C3: variants seen among roughly 807,000 people sequenced by gnomAD.
The protein encoded by C3 is complement C3.
A neutral mutation model predicts 207.9 loss-of-function variants in C3; 97 were observed. The observed-to-expected ratio is 0.47, with a 90% CI of 0.40 to 0.55. The LOEUF (loss-of-function observed/expected upper bound fraction) is 0.55, where lower values mean the gene tolerates loss of function less well. Among genes scored for constraint, C3 ranks in the 20% least tolerant of loss-of-function variants. The pLI, the probability that C3 is intolerant of heterozygous loss-of-function variation, is 0.00. For missense variants in C3, 1,684 were observed against 2,171.7 expected, an observed-to-expected ratio of 0.78 and a Z score of 4.46; for synonymous variants, 848 against 857.6, an observed-to-expected ratio of 0.99 and a Z score of 0.20.
chr19:6,715,160 G>C (rs1018914096), intron 4 of C3, among the ~76,000 whole-genome samples: 8 of 152,124 alleles, frequency 5.3e-5, no homozygotes, highest in Admixed American at 4.6e-4. Flanking sequence ...CTGGGTGAAA[G>C]AGCGAGACCC....
At chr19:6,713,947 G>C (rs763127936) in intron 7 of C3, 45 bp downstream of exon 7, 1 of 1,287,828 alleles carries the variant, frequency 7.8e-7, no homozygotes, top group South Asian at 1.2e-5. Flanking sequence ...GTCTTCACCT[G>C]GTCCCTCACC....
rs1323881958 is a variant in C3 at position 6,711,088 on chromosome 19, C to T, written c.1378G>A (p.Val460Met). Residue 460 changes from valine (V) to methionine (M), a missense_variant, in exon 12 of 41, where the codon GTG becomes ATG. Val to Met is a conservative substitution (Grantham distance 21, BLOSUM62 1). Around this residue, in one of 3 missense-constraint regions of C3, gnomAD observed 1,280 missense variants for 1,739.1 expected, o/e 0.74. Coordinates refer to ENST00000245907, the MANE Select transcript of C3 (RefSeq NM_000064.4). Reference protein sequence around the residue: ...GNSNNYLHLSVLRTELRPGET... With the variant: ...GNSNNYLHLSMLRTELRPGET... ...CCGGGTCTGAGCTCTGTACGTAGCA[C>T]TGAGAGATGCAGGTAATTGTTGGAG... 5 of 1,614,034 alleles carry T rather than the reference C, an allele frequency of 3.1e-6. No individual in the cohort carries two copies. The highest frequency in any genetic ancestry group is 3.3e-5 in the Admixed American group (2 of 59,998).
rs1435573999 is a variant in C3, at chr19:6,682,044, G to A, written c.4261-14C>T. ...ACCATTGGCCAGCTGGGGAAAGGTG[G>A]AGCCTGTGAAAAATCCCTCCTGGAC... On this transcript the variant is annotated splice_polypyrimidine_tract_variant and intron_variant, in intron 34 of 40. Transcript: ENST00000245907. The A allele has an allele frequency of 1.9e-6, 3 of 1,612,910 alleles. No individual in the cohort carries two copies. The highest frequency in any genetic ancestry group is 2.2e-5 in the South Asian group (2 of 91,042).
At chr19:6,703,575 C>A (rs1967716391) in intron 17 of C3, among the ~76,000 whole-genome samples, 1 of 151,886 alleles carries the variant, frequency 6.6e-6, no homozygotes, top group Non-Finnish European at 1.5e-5. Context: ...CCACTGCACT[C>A]CAGCCTCGGT....
At chr19:6,686,973 A>T (rs1305956001) in intron 27 of C3, 71 bp from the exon 28 acceptor site, 2 of 1,483,996 alleles carry the variant, frequency 1.3e-6, no homozygotes, top group Non-Finnish European at 1.9e-6. Context: ...TCATTCGAGC[A>T]GCACTTCCTG....
intron 14 of C3, among the ~76,000 whole-genome samples, chr19:6,708,902 G>T (rs950838973): frequency 6.6e-6 from 1 of 151,854 alleles, no homozygotes; most frequent in Non-Finnish European, 1.5e-5. Flanking sequence ...TGCCCAAGCT[G>T]GTCTGAACTC....
Position 6,707,940 on chromosome 19 carries a change from C to A in C3, c.1846-11G>T. On this transcript the variant is annotated splice_polypyrimidine_tract_variant and intron_variant, in intron 14 of 40. Transcript: ENST00000245907. ...CACCACGTCCCAGATCTGCGGGGGG[C>A]ATAGGGGTGGCGGGACGCAGGGAGG... The A allele has an allele frequency of 6.2e-7, 1 of 1,613,506 alleles. No homozygotes were observed. The highest frequency in any genetic ancestry group is 1.3e-5 in the African/African-American group (1 of 75,018).
At chr19:6,711,397 G>A (rs569840633) in intron 11 of C3, among the ~76,000 whole-genome samples, 14 of 152,132 alleles carry the variant, frequency 9.2e-5, no homozygotes, top group African/African-American at 3.4e-4. Flanking sequence ...TTAAGCAGGG[G>A]CAGGGGAGAA....
At chr19:6,702,388 A>T in intron 18 of C3, 83 bp downstream of exon 18, 1 of 1,066,306 alleles carries the variant, frequency 9.4e-7, no homozygotes, top group Non-Finnish European at 1.5e-6. Context: ...CTGTGATTCC[A>T]GAGAAGACCA....
At chr19:6,693,787 G>A (rs1266252291) in intron 24 of C3, among the ~76,000 whole-genome samples, 1 of 152,048 alleles carries the variant, frequency 6.6e-6, no homozygotes, top group African/African-American at 2.4e-5. Flanking sequence ...GGCATGGCCT[G>A]GAGAGGACGT....
chr19:6,709,245 G>A (rs1217540291), intron 14 of C3, among the ~76,000 whole-genome samples: 1 of 152,052 alleles, frequency 6.6e-6, no homozygotes, highest in Non-Finnish European at 1.5e-5. Context: ...CCAAGAGATC[G>A]AGACCATCCT....
At position 6,718,290 on chromosome 19, in the gene C3, G is replaced by C. The variant is rs1216289586; in HGVS notation, c.390C>G (p.Leu130=). The C allele has an allele frequency of 6.2e-7, 1 of 1,614,000 alleles. No individual in the cohort carries two copies. The highest frequency in any genetic ancestry group is 8.5e-7 in the Non-Finnish European group (1 of 1,179,976). The change falls in exon 3 of 41, where the codon CTC becomes CTG. Residue 130 remains leucine (L), a synonymous_variant. Transcript: ENST00000245907. The part of the protein sequence containing the change: ...VVLVSLQSGY[L]FIQTDKTIYT... ...AGATGGTCTTGTCTGTCTGGATGAAGAGGTACCCGCTCTGCAGGCTGACCA... is the reference window on the plus strand; with the variant it reads ...AGATGGTCTTGTCTGTCTGGATGAACAGGTACCCGCTCTGCAGGCTGACCA...
At chr19:6,711,320 G>A in intron 11 of C3, 124 bp from the exon 12 acceptor site, 1 of 744,674 alleles carries the variant, frequency 1.3e-6, no homozygotes, top group Admixed American at 2.0e-5. Context: ...ATTAAGTTAG[G>A]GATCTGGAGA....
At chr19:6,700,530 G>C (rs1458179511) in intron 19 of C3, among the ~76,000 whole-genome samples, 1 of 29,680 alleles carries the variant, frequency 3.4e-5, no homozygotes, top group Non-Finnish European at 4.7e-5. Context: ...TATGTAATAT[G>C]ATATATTATA....
chr19:6,683,277 G>A (rs1044830516), intron 33 of C3: 1 of 151,388 alleles, frequency 6.6e-6, no homozygotes, highest in African/African-American at 2.4e-5. Flanking sequence ...AGAGAAGAAG[G>A]CAAGCATTTT....
At chr19:6,690,528 G>A in intron 27 of C3, 101 bp downstream of exon 27, 3 of 868,334 alleles carry the variant, frequency 3.5e-6, no homozygotes, top group East Asian at 4.8e-5. Context: ...TATTGCACTG[G>A]GAGAGCTGCA....
chr19:6,710,556 AG>A lies in C3; in HGVS notation c.1686+82del, dbSNP rs1967896060. 7 of 1,025,462 alleles carry A rather than the reference AG, an allele frequency of 6.8e-6. 1 individual carries two copies. Among genetic ancestry groups the A allele is most frequent in the South Asian group, 4.2e-5 (3 of 72,090 alleles). The allele number at this position is 1,025,462 out of a possible 1,614,324, so 63.5% of individuals were successfully genotyped here. On this transcript the variant is annotated intron_variant, in intron 13 of 40. Coordinates refer to ENST00000245907, the MANE Select transcript of C3 (RefSeq NM_000064.4). ...GAGAGAAAAGGAGAAAGGGAGAGAG[AG>A]AGAGAGAGGAGACAGGGAGAGAGAG...
At chr19:6,690,815 G>A (rs1209925059) in intron 26 of C3, 88 bp from the exon 27 acceptor site, 5 of 1,019,164 alleles carry the variant, frequency 4.9e-6, no homozygotes, top group Non-Finnish European at 7.6e-6. Context: ...GAATCAGGGG[G>A]TCTGGGCAGG....
At chr19:6,682,580 C>A in intron 33 of C3, 1 of 331,804 alleles carries the variant, frequency 3.0e-6, no homozygotes, top group Non-Finnish European at 5.9e-6. Flanking sequence ...ACACTAGTAG[C>A]CCAGTGACAT....
Sources: allele counts gnomAD v4.1 joint callset (sites outside exome capture counted in the v4.1 genomes callset), GRCh38; gene constraint gnomAD v4.1.1; regional missense constraint gnomAD v4.1.1; transcripts MANE v1.5; gene names NCBI Gene and HGNC (gene_info 2026-07-23, HGNC 2026-07-21).